Variants in PAWR observed in about 807,000 individuals in gnomAD.
The protein encoded by PAWR is pro-apoptotic WT1 regulator.
Under a neutral mutation model 32.0 loss-of-function variants are expected in PAWR, and 23 were observed. The observed-to-expected ratio is 0.72, with a 90% confidence interval of 0.52 to 1.02. The LOEUF is 1.02. Among genes scored for constraint, PAWR ranks in the 50% least tolerant of loss-of-function variants. The pLI is 0.00. For missense variants in PAWR, 457 were observed against 437.7 expected, an observed-to-expected ratio of 1.04 and a Z score of -0.39; for synonymous variants, 226 against 187.1, an observed-to-expected ratio of 1.21 and a Z score of -1.70.
At chr12:79,673,529 T>C (rs1292744799) in intron 2 of PAWR, among the ~76,000 whole-genome samples, 1 of 152,180 alleles carries the variant, frequency 6.6e-6, no homozygotes, top group Non-Finnish European at 1.5e-5. Context: ...CTCATTCAAG[T>C]AGCAACAGCT....
chr12:79,641,847 A>T (rs1316581912), intron 2 of PAWR, among the ~76,000 whole-genome samples: 1 of 5,036 alleles, frequency 2.0e-4, no homozygotes. Flanking sequence ...CTCCGTCTCA[A>T]AAAAAAAAAA....
Position 79,592,169 on chromosome 12 carries a change from G to A in PAWR, c.*438C>T, listed in dbSNP as rs1183959901. 1 of 153,546 alleles carries A rather than the reference G, an allele frequency of 6.5e-6. No individual in the cohort carries two copies. Among genetic ancestry groups the A allele is most frequent in the East Asian group, 1.9e-4 (1 of 5,210 alleles). The allele number at this position is 153,546 out of a possible 1,614,324, so 9.5% of individuals were successfully genotyped here. On this transcript the variant is annotated 3_prime_UTR_variant, in exon 7 of 7. Coordinates refer to ENST00000328827, the MANE Select transcript of PAWR (RefSeq NM_002583.4). ...AATGACAGTAGACAAAAACCTTTAT[G>A]AGTGAGTCATCAACACATAAAAGGT...
At chr12:79,674,050 A>C (rs1264333776) in intron 2 of PAWR, among the ~76,000 whole-genome samples, 3 of 152,164 alleles carry the variant, frequency 2.0e-5, no homozygotes, top group African/African-American at 7.2e-5. Context: ...TTAGAAAAAA[A>C]AATTCTAAAA....
intron 3 of PAWR, among the ~76,000 whole-genome samples, chr12:79,614,966 G>A (rs1194050608): frequency 1.3e-5 from 2 of 152,198 alleles, no homozygotes; most frequent in Non-Finnish European, 2.9e-5. Flanking sequence ...GAATAACAGT[G>A]CCTATTTTAT....
Position 79,590,045 on chromosome 12 carries a change from T to C in PAWR, c.*2562A>G, listed in dbSNP as rs1873502124. Reference sequence around the variant, plus strand: ...AAATTCTGTATGTAAAATAAGTACATATTTTGAGATGGAAGAAGGACTGCA... The same window carrying C: ...AAATTCTGTATGTAAAATAAGTACACATTTTGAGATGGAAGAAGGACTGCA... On this transcript the variant is annotated 3_prime_UTR_variant, in exon 7 of 7. Coordinates refer to ENST00000328827, the MANE Select transcript of PAWR (RefSeq NM_002583.4). 6.6e-6 allele frequency: 1 copy of C among 152,116 alleles called. No individual in the cohort carries two copies. Among genetic ancestry groups the C allele is most frequent in the Non-Finnish European group, 1.5e-5 (1 of 68,012 alleles). The allele number at this position is 152,116 out of a possible 1,614,324, so 9.4% of individuals were successfully genotyped here.
chr12:79,652,074 G>C (rs1413949323), intron 2 of PAWR, among the ~76,000 whole-genome samples: 1 of 152,148 alleles, frequency 6.6e-6, no homozygotes, highest in Non-Finnish European at 1.5e-5. Context: ...GTAGAATGGT[G>C]GTTGGCCAGA....
intron 2 of PAWR, among the ~76,000 whole-genome samples, chr12:79,633,101 G>A (rs956651829): frequency 6.6e-6 from 1 of 151,978 alleles, no homozygotes; most frequent in African/African-American, 2.4e-5. Context: ...CTCCAGCCTA[G>A]GCAAAAGAGA....
intron 2 of PAWR, among the ~76,000 whole-genome samples, chr12:79,688,707 CT>C (rs901621154): frequency 1.3e-5 from 2 of 152,146 alleles, no homozygotes; most frequent in Non-Finnish European, 2.9e-5. Context: ...TACACCCTAA[CT>C]TATTGCAAAT....
intron 2 of PAWR, among the ~76,000 whole-genome samples, chr12:79,675,115 T>C (rs11114211): frequency 1 from 151,904 of 152,336 alleles, 75,736 homozygotes; most frequent in East Asian, 1. Context: ...CGGTGGCTCA[T>C]GCCTGTAATC....
At chr12:79,665,176 A>G (rs1298276969) in intron 2 of PAWR, among the ~76,000 whole-genome samples, 1 of 152,228 alleles carries the variant, frequency 6.6e-6, no homozygotes, top group Non-Finnish European at 1.5e-5. Flanking sequence ...AATTTTATAG[A>G]GACAAAAATT....
intron 3 of PAWR, among the ~76,000 whole-genome samples, chr12:79,617,515 A>G (rs1048007018): frequency 6.6e-6 from 1 of 152,168 alleles, no homozygotes; most frequent in Admixed American, 6.5e-5. Context: ...CTGGCCAAAA[A>G]GAGAAAACTG....
chr12:79,632,330 T>TATATATAC (rs1875707279), intron 2 of PAWR, among the ~76,000 whole-genome samples: 1 of 46,544 alleles, frequency 2.1e-5, no homozygotes, highest in African/African-American at 3.0e-4. Flanking sequence ...TATATATATA[T>TATATATAC]ATATATATAT....
chr12:79,596,405 T>C (rs1592489264), intron 5 of PAWR, 106 bp downstream of exon 5: 2 of 608,018 alleles, frequency 3.3e-6, no homozygotes, highest in South Asian at 2.6e-5. Flanking sequence ...AGCGCACATA[T>C]TAAATATTAA....
At chr12:79,639,839 T>C (rs113720741) in intron 2 of PAWR, among the ~76,000 whole-genome samples, 826 of 69,116 alleles carry the variant, frequency 0.012, 15 homozygotes, top group African/African-American at 0.051. Context: ...TTTCCATTCC[T>C]ATTCCTATTC....
chr12:79,635,938 C>T (rs959716736), intron 2 of PAWR, among the ~76,000 whole-genome samples: 15 of 152,066 alleles, frequency 9.9e-5, no homozygotes, highest in African/African-American at 3.6e-4. Flanking sequence ...AGAGACTAGA[C>T]TGACTGGACT....
At position 79,638,896 on chromosome 12, in the gene PAWR, A is replaced by ATT. The variant is rs60375837; in HGVS notation, c.517-17691_517-17690dup. On this transcript the variant is annotated intron_variant, in intron 2 of 6. Coordinates refer to ENST00000328827, the MANE Select transcript of PAWR (RefSeq NM_002583.4). ...TATATATATATATATATATATATAT[A>ATT]TTTTTTTTTTTTTTTTTTTTTTTTT... 1.3e-3 allele frequency among the ~76,000 whole-genome samples: 13 copies of ATT among 10,010 alleles called. 2 individuals carry two copies. The highest frequency in any genetic ancestry group is 3.5e-3 in the East Asian group (1 of 288). 6.6% of individuals were successfully genotyped at this position (10,010 alleles called of 152,430 possible). A position where few individuals can be genotyped will look rare whatever the true frequency, so the allele number is the denominator to read the frequency against.
chr12:79,654,570 C>T lies in PAWR; in HGVS notation c.517-33363G>A, dbSNP rs1331366341. On this transcript the variant is annotated intron_variant, in intron 2 of 6. Transcript: ENST00000328827. ...TAGAGACTTACCACCTGTATTAGTC[C>T]GTTTTCACACTGCTACAAAGAACTG... Among the ~76,000 whole-genome samples the T allele has an allele frequency of 4.6e-5, 7 of 152,196 alleles. No homozygotes were observed. In the East Asian group the frequency reaches 1.4e-3, roughly 29 times the overall value.
intron 2 of PAWR, among the ~76,000 whole-genome samples, chr12:79,661,001 C>T (rs1877322884): frequency 6.6e-6 from 1 of 151,790 alleles, no homozygotes; most frequent in Non-Finnish European, 1.5e-5. Context: ...GGCACAATGA[C>T]TCACGCCTGC....
At chr12:79,607,430 G>T (rs1428641591) in intron 4 of PAWR, among the ~76,000 whole-genome samples, 1 of 152,134 alleles carries the variant, frequency 6.6e-6, no homozygotes, top group South Asian at 2.1e-4. Context: ...CACCGTTAAA[G>T]AATCTGGCTG....
Sources: gnomAD v4.1 joint callset for allele counts (sites outside exome capture counted in the v4.1 genomes callset) on GRCh38, gnomAD v4.1.1 for gene constraint, MANE v1.5 for transcripts, NCBI Gene and HGNC (gene_info 2026-07-23, HGNC 2026-07-21) for gene names.